The following PHACTR1 variants were observed in gnomAD, a reference collection of about 807,000 sequenced individuals.
PHACTR1 encodes phosphatase and actin regulator 1, also known as RPEL repeat containing 1.
A neutral mutation model predicts 69.2 loss-of-function variants in PHACTR1; 16 were observed. That is an observed-to-expected ratio of 0.23 (90% CI 0.16 to 0.35). The LOEUF (loss-of-function observed/expected upper bound fraction) is 0.35, where lower values mean the gene tolerates loss of function less well. Ranked by LOEUF, PHACTR1 falls within the 10% of genes least tolerant of loss-of-function variation. PHACTR1 has a pLI of 1.00. For synonymous variants in PHACTR1, 312 were observed against 284.5 expected (o/e 1.10, Z -0.97); for missense variants, 510 against 734.7 (o/e 0.69, Z 3.54).
At chr6:12,940,479 A>C (rs1462441195) in intron 4 of PHACTR1, among the ~76,000 whole-genome samples, 3 of 152,232 alleles carry the variant, frequency 2.0e-5, no homozygotes, top group Admixed American at 2.0e-4. Context: ...TGAAATATTC[A>C]GTGGAGATAA....
At chr6:12,777,558 C>A (rs9463105) in intron 4 of PHACTR1, among the ~76,000 whole-genome samples, 10,549 of 151,496 alleles carry the variant, frequency 0.07, 463 homozygotes, top group Admixed American at 0.1. Context: ...GCTGCAAAGG[C>A]CATGACCTCA....
At chr6:12,983,774 C>T (rs185259115) in intron 4 of PHACTR1, among the ~76,000 whole-genome samples, 12 of 152,274 alleles carry the variant, frequency 7.9e-5, no homozygotes, top group African/African-American at 2.6e-4. Flanking sequence ...TCAATTCCCA[C>T]CTATGAGTGA....
rs72820836 is a variant in PHACTR1, at chr6:12,951,326, G to T, written c.251-102039G>T. On this transcript the variant is annotated intron_variant, in intron 4 of 14. Coordinates refer to ENST00000332995, the MANE Select transcript of PHACTR1 (RefSeq NM_030948.6). ...ACCTTCCAAGGGAGAGCAGAAACAG[G>T]CTAGTCTAAGTTTAGCAACGTGGTG... 1.3e-5 allele frequency among the ~76,000 whole-genome samples: 2 copies of T among 152,198 alleles called. 1 individual carries two copies. The highest frequency in any genetic ancestry group is 3.8e-4 in the East Asian group (2 of 5,202).
intron 3 of PHACTR1, among the ~76,000 whole-genome samples, chr6:12,734,378 G>C (rs1763968252): frequency 6.6e-6 from 1 of 152,100 alleles, no homozygotes; most frequent in Admixed American, 6.6e-5. Flanking sequence ...ATGTTTATCA[G>C]GAATTTCCTT....
At chr6:13,261,300 G>C (rs1775877359) in intron 10 of PHACTR1, among the ~76,000 whole-genome samples, 2 of 152,226 alleles carry the variant, frequency 1.3e-5, no homozygotes, top group African/African-American at 4.8e-5. Context: ...TTCTAATGGA[G>C]AATACAGTTG....
chr6:13,019,805 G>A (rs914126754), intron 4 of PHACTR1, among the ~76,000 whole-genome samples: 1 of 152,218 alleles, frequency 6.6e-6, no homozygotes, highest in Non-Finnish European at 1.5e-5. Context: ...GAAAGGATCA[G>A]TACTTGTTTC....
intron 4 of PHACTR1, among the ~76,000 whole-genome samples, chr6:12,945,984 T>G (rs1790627961): frequency 6.8e-6 from 1 of 148,070 alleles, no homozygotes; most frequent in Non-Finnish European, 1.5e-5. Context: ...AATAAATAAA[T>G]AAATAAATAA....
In PHACTR1 at chr6:13,268,867, G is replaced by GAAACAC. The variant is rs376791356; in HGVS notation, c.1392-3987_1392-3982dup. On this transcript the variant is annotated intron_variant, in intron 10 of 14. Transcript: ENST00000332995. ...GTTCTCAGTCGCTTTCCAGAGAAAT[G>GAAACAC]AAACACAAACAGAGGAACTCATTTG... 1.2e-4 allele frequency among the ~76,000 whole-genome samples: 19 copies of GAAACAC among 152,308 alleles called. No individual in the cohort carries two copies. The East Asian group carries it at 3.5e-3, about 28-fold the overall frequency.
rs1266528424 is a variant in PHACTR1 at position 13,110,134 on chromosome 6, G to A, written c.416-50070G>A. Among the ~76,000 whole-genome samples the A allele has an allele frequency of 2.0e-5, 3 of 151,692 alleles. No individual in the cohort carries two copies. In the East Asian group the frequency reaches 5.8e-4, roughly 29 times the overall value. On this transcript the variant is annotated intron_variant, in intron 5 of 14. Coordinates refer to ENST00000332995, the MANE Select transcript of PHACTR1 (RefSeq NM_030948.6). ...CATTATCTCTGTTATTTCTGCATCT[G>A]TTTCTATTGACTGATTTTTTTTCCT...
At chr6:12,779,389 A>G (rs1192778075) in intron 4 of PHACTR1, among the ~76,000 whole-genome samples, 1 of 151,972 alleles carries the variant, frequency 6.6e-6, no homozygotes, top group African/African-American at 2.4e-5. Flanking sequence ...TAATTTTTCA[A>G]AAAAAAAGAA....
chr6:12,985,565 C>CAGAG (rs569513582), intron 4 of PHACTR1, among the ~76,000 whole-genome samples: 51 of 142,638 alleles, frequency 3.6e-4, no homozygotes, highest in African/African-American at 1.2e-3. Context: ...TATATATACA[C>CAGAG]AGAGAGAGAG....
intron 10 of PHACTR1, among the ~76,000 whole-genome samples, chr6:13,237,514 A>G (rs1200904325): frequency 1.3e-5 from 2 of 152,224 alleles, no homozygotes; most frequent in African/African-American, 4.8e-5. Context: ...TATATTCATG[A>G]AGTCTGTGTG....
intron 4 of PHACTR1, among the ~76,000 whole-genome samples, chr6:12,944,787 A>ATTTTTTTTTTT (rs67157877): frequency 1.7e-4 from 20 of 116,390 alleles, no homozygotes; most frequent in African/African-American, 6.2e-4. Flanking sequence ...ATTTTTATTT[A>ATTTTTTTTTTT]TTTTTTTTTT....
intron 7 of PHACTR1, among the ~76,000 whole-genome samples, chr6:13,187,206 G>C (rs2113752383): frequency 6.6e-6 from 1 of 152,324 alleles, no homozygotes; most frequent in African/African-American, 2.4e-5. Flanking sequence ...ACCAGTACAG[G>C]TTCATGGCCC....
chr6:12,737,781 A>G (rs1240312724), intron 3 of PHACTR1, among the ~76,000 whole-genome samples: 1 of 151,944 alleles, frequency 6.6e-6, no homozygotes, highest in Non-Finnish European at 1.5e-5. Context: ...TTTTTTATAG[A>G]AACAAAGTTT....
chr6:12,743,396 T>C (rs1765331523), intron 3 of PHACTR1, among the ~76,000 whole-genome samples: 1 of 152,182 alleles, frequency 6.6e-6, no homozygotes, highest in Non-Finnish European at 1.5e-5. Flanking sequence ...CAAGAATAAT[T>C]ACCTTTCACA....
At chr6:13,230,685 A>G (rs1770743084) in intron 10 of PHACTR1, among the ~76,000 whole-genome samples, 1 of 152,076 alleles carries the variant, frequency 6.6e-6, no homozygotes, top group Non-Finnish European at 1.5e-5. Flanking sequence ...AGAAATTGAG[A>G]GGCAGGTTTC....
At chr6:13,227,773 T>C (rs753881937) in intron 8 of PHACTR1, 43 bp from the exon 9 acceptor site, 2 of 1,601,234 alleles carry the variant, frequency 1.2e-6, no homozygotes, top group African/African-American at 2.7e-5. Flanking sequence ...ATATAGCACG[T>C]TAGCCAAAGT....
intron 8 of PHACTR1, 94 bp from the exon 9 acceptor site, chr6:13,227,722 A>G (rs1043989619): frequency 6.8e-7 from 1 of 1,475,366 alleles, no homozygotes; most frequent in Non-Finnish European, 9.2e-7. Flanking sequence ...TTTGTCTCTT[A>G]GGACTGGGCA....
Sources: allele counts gnomAD v4.1 joint callset (sites outside exome capture counted in the v4.1 genomes callset), GRCh38; gene constraint gnomAD v4.1.1; transcripts MANE v1.5; gene names NCBI Gene and HGNC (gene_info 2026-07-23, HGNC 2026-07-21).